Variants in SGK1 observed in about 807,000 individuals in gnomAD.
SGK1 encodes the protein serum/glucocorticoid regulated kinase 1.
Under a neutral mutation model 64.2 loss-of-function variants are expected in SGK1, and 26 were observed. The observed-to-expected ratio is 0.40, with a 90% confidence interval of 0.30 to 0.56. SGK1 has a LOEUF of 0.56. SGK1 is among the 20% of genes least tolerant of loss of function. SGK1 has a pLI of 0.38. For missense variants in SGK1, 519 were observed against 645.6 expected (o/e 0.80, Z 2.12); for synonymous variants, 265 against 239.7 (o/e 1.11, Z -0.98).
intron 1 of SGK1, among the ~76,000 whole-genome samples, chr6:134,291,428 AAG>A (rs1777263259): frequency 6.6e-6 from 1 of 152,194 alleles, no homozygotes; most frequent in African/African-American, 2.4e-5. Context: ...GAGAAATCCA[AAG>A]AGAGATAACA....
chr6:134,215,656 G>A (rs1439891535), intron 2 of SGK1, among the ~76,000 whole-genome samples: 1 of 151,874 alleles, frequency 6.6e-6, no homozygotes, highest in African/African-American at 2.4e-5. Flanking sequence ...CGAGGTGGGC[G>A]GATCACCTGA....
intron 3 of SGK1, among the ~76,000 whole-genome samples, chr6:134,186,289 A>G (rs910323684): frequency 6.6e-6 from 1 of 152,206 alleles, no homozygotes; most frequent in African/African-American, 2.4e-5. Context: ...AAGAGAAGGT[A>G]AAGTCCTTGG....
intron 1 of SGK1, among the ~76,000 whole-genome samples, chr6:134,273,816 T>G (rs910272051): frequency 1.3e-5 from 2 of 151,562 alleles, no homozygotes; most frequent in African/African-American, 4.8e-5. Context: ...AGTATTTATT[T>G]TTATTTATTT....
At chr6:134,213,121 C>A (rs891022722) in intron 2 of SGK1, among the ~76,000 whole-genome samples, 1 of 152,140 alleles carries the variant, frequency 6.6e-6, no homozygotes, top group African/African-American at 2.4e-5. Context: ...ATTTTAAGCA[C>A]AAGTTTATAG....
chr6:134,225,028 AAAG>A, intron 2 of SGK1, among the ~76,000 whole-genome samples: 1 of 149,582 alleles, frequency 6.7e-6, no homozygotes, highest in Non-Finnish European at 1.5e-5. Context: ...AAAAAAGAAA[AAAG>A]AAAGAAATCT....
chr6:134,172,483 C>A, intron 9 of SGK1, 167 bp from the exon 10 acceptor site: 1 of 805,604 alleles, frequency 1.2e-6, no homozygotes, highest in East Asian at 2.6e-5. Context: ...GGATTAGGCA[C>A]AATCCTACTT....
rs1340297064 is a variant in SGK1 at position 134,317,387 on chromosome 6, C to T, written c.69+5G>A. On this transcript the variant is annotated splice_donor_5th_base_variant and intron_variant, in intron 1 of 13. Coordinates refer to ENST00000367858, the MANE Select transcript of SGK1 (RefSeq NM_001143676.3). The stretch of plus-strand genomic sequence containing the variant: ...ACAAAAGAAATAAGCAAAACCTGTC[C>T]TTACCCGCTTCTTAAAAAATTGGAA... The T allele has an allele frequency of 1.3e-6, 2 of 1,572,988 alleles. No homozygotes were observed. Among genetic ancestry groups the T allele is most frequent in the Non-Finnish European group, 1.8e-6 (2 of 1,142,550 alleles).
At position 134,182,434 on chromosome 6, in the gene SGK1, T is replaced by G. The variant is rs144307038; in HGVS notation, c.362-7848A>C. Among the ~76,000 whole-genome samples, 357 of 151,492 alleles carry G rather than the reference T, an allele frequency of 2.4e-3. 1 individual carries two copies. The highest frequency in any genetic ancestry group is 8.2e-3 in the African/African-American group (340 of 41,256). ...TCACTTGAACCTGGAAGGCAGAGGT[T>G]GCAGTGAGCTGGGATTATGCCACTG... On this transcript the variant is annotated intron_variant, in intron 3 of 13. Transcript: ENST00000367858.
At chr6:134,180,293 T>C (rs1582693067) in intron 3 of SGK1, 1 of 152,158 alleles carries the variant, frequency 6.6e-6, no homozygotes, top group Non-Finnish European at 1.5e-5. Flanking sequence ...CAAACAGATC[T>C]TTCTCAGGCT....
Position 134,294,227 on chromosome 6 carries a change from T to C in SGK1, c.69+23165A>G, listed in dbSNP as rs567090181. Reference sequence around the variant, plus strand: ...TACTGTGCTGTATTTTTTTTCATTGTGATGAAATATACATCACATAAAATT... The same window carrying C: ...TACTGTGCTGTATTTTTTTTCATTGCGATGAAATATACATCACATAAAATT... On this transcript the variant is annotated intron_variant, in intron 1 of 13. Coordinates refer to ENST00000367858, the MANE Select transcript of SGK1 (RefSeq NM_001143676.3). Among the ~76,000 whole-genome samples, 5 of 152,338 alleles carry C rather than the reference T, an allele frequency of 3.3e-5. No individual in the cohort carries two copies. The South Asian group carries it at 6.2e-4, about 19-fold the overall frequency.
At chr6:134,189,038 G>A (rs1170489051) in intron 3 of SGK1, among the ~76,000 whole-genome samples, 1 of 149,496 alleles carries the variant, frequency 6.7e-6, no homozygotes, top group African/African-American at 2.5e-5. Context: ...AGCCACTCAC[G>A]CAACCCAGAC....
chr6:134,170,984 G>A (rs778115907), intron 12 of SGK1, 39 bp downstream of exon 12: 88 of 1,612,046 alleles, frequency 5.5e-5, no homozygotes, highest in Non-Finnish European at 7.0e-5. Context: ...TCTAGTGCAC[G>A]TCCCGGCCGG....
intron 3 of SGK1, among the ~76,000 whole-genome samples, chr6:134,189,907 T>C (rs941140332): frequency 2.6e-5 from 4 of 152,238 alleles, no homozygotes; most frequent in Admixed American, 6.5e-5. Flanking sequence ...TGGAGTGCAA[T>C]GGCACCATCT....
intron 1 of SGK1, among the ~76,000 whole-genome samples, chr6:134,292,868 A>G (rs558884426): frequency 2.6e-5 from 4 of 152,318 alleles, no homozygotes; most frequent in Non-Finnish European, 5.9e-5. Context: ...AGTACTACTG[A>G]TACATCTTCC....
At chr6:134,228,335 G>T (rs1776220558) in intron 2 of SGK1, among the ~76,000 whole-genome samples, 1 of 151,886 alleles carries the variant, frequency 6.6e-6, no homozygotes, top group East Asian at 1.9e-4. Flanking sequence ...ATTTTTTTGT[G>T]GGAAAATAGA....
chr6:134,174,741 T>C (rs376300142), intron 3 of SGK1, 155 bp from the exon 4 acceptor site: 100 of 1,614,052 alleles, frequency 6.2e-5, no homozygotes, highest in Middle Eastern at 3.3e-4. Context: ...CCGATGAGAA[T>C]TGCCACCATG....
At chr6:134,191,538 C>T (rs1222368522) in intron 3 of SGK1, among the ~76,000 whole-genome samples, 1 of 152,162 alleles carries the variant, frequency 6.6e-6, no homozygotes, top group East Asian at 1.9e-4. Flanking sequence ...AAGGACATAC[C>T]TATCAGCGAA....
chr6:134,182,106 C>T (rs1361493576), intron 3 of SGK1, among the ~76,000 whole-genome samples: 1 of 152,048 alleles, frequency 6.6e-6, no homozygotes, highest in Non-Finnish European at 1.5e-5. Flanking sequence ...GATCTGTCCT[C>T]CTCAGCCTCC....
rs781506237 is a variant in SGK1 at position 134,262,128 on chromosome 6, G to A, written c.90C>T (p.Ser30=). ...GATGCTTGTCCACACTGACCATTGG[G>A]CTCTTGATCCACCTTCGTACCTGCA... ...FKKRVRRWIK[S]PMVSVDKHQS... The change falls in exon 2 of 14, where the codon AGC becomes AGT. Residue 30 remains serine, a synonymous_variant. Transcript: ENST00000367858. 1.7e-5 allele frequency: 27 copies of A among 1,589,668 alleles called. No homozygotes were observed. The African/African-American group carries it at 3.0e-4, about 17-fold the overall frequency.
Sources: allele counts gnomAD v4.1 joint callset (sites outside exome capture counted in the v4.1 genomes callset), GRCh38; gene constraint gnomAD v4.1.1; transcripts MANE v1.5; gene names NCBI Gene and HGNC (gene_info 2026-07-23, HGNC 2026-07-21).